Variants in TSHZ2 observed in about 807,000 individuals in gnomAD.
TSHZ2 encodes teashirt zinc finger homeobox 2.
A neutral mutation model predicts 74.4 loss-of-function variants in TSHZ2; 21 were observed. That is an observed-to-expected ratio of 0.28 (90% CI 0.20 to 0.41). TSHZ2 has a LOEUF of 0.41. Among genes scored for constraint, TSHZ2 ranks in the 10% least tolerant of loss-of-function variants. The pLI, the probability that TSHZ2 is intolerant of heterozygous loss-of-function variation, is 1.00. For missense variants in TSHZ2, 1,244 were observed against 1,293.5 expected (o/e 0.96, Z 0.59); for synonymous variants, 540 against 515.3 (o/e 1.05, Z -0.65).
chr20:53,054,044 T>G (rs1196548473), intron 1 of TSHZ2, among the ~76,000 whole-genome samples: 1 of 152,198 alleles, frequency 6.6e-6, no homozygotes, highest in Admixed American at 6.5e-5. Flanking sequence ...ACAACATATT[T>G]CCTTGCTCTG....
chr20:53,296,005 A>T (rs540109088), intron 2 of TSHZ2, among the ~76,000 whole-genome samples: 1 of 148,728 alleles, frequency 6.7e-6, no homozygotes, highest in African/African-American at 2.5e-5. Flanking sequence ...AAGTTGAAGG[A>T]TTCATTACTA....
intron 2 of TSHZ2, among the ~76,000 whole-genome samples, chr20:53,361,543 AATGGCATATTGTGTCTG>A (rs1180647202): frequency 6.6e-6 from 1 of 152,206 alleles, no homozygotes; most frequent in Non-Finnish European, 1.5e-5. Context: ...GATCTCAATT[AATGGCATATTGTGTCTG>A]AGTCACTCTT....
At chr20:53,258,377 G>A (rs754556954) in intron 2 of TSHZ2, among the ~76,000 whole-genome samples, 3 of 151,838 alleles carry the variant, frequency 2.0e-5, no homozygotes, top group Non-Finnish European at 4.4e-5. Context: ...AAAGAGGGGG[G>A]GCATACAGAG....
At chr20:53,403,434 G>T (rs553185763) in intron 2 of TSHZ2, among the ~76,000 whole-genome samples, 1 of 152,234 alleles carries the variant, frequency 6.6e-6, no homozygotes, top group South Asian at 2.1e-4. Context: ...TTTCTTTTTA[G>T]ATTATTACCA....
intron 2 of TSHZ2, among the ~76,000 whole-genome samples, chr20:53,460,856 G>A (rs1264972070): frequency 6.6e-6 from 1 of 152,208 alleles, no homozygotes; most frequent in East Asian, 1.9e-4. Flanking sequence ...CAGTTAGGCT[G>A]CTCGGGGGTC....
intron 1 of TSHZ2, among the ~76,000 whole-genome samples, chr20:53,119,929 T>C (rs911699461): frequency 6.6e-5 from 10 of 152,072 alleles, no homozygotes; most frequent in African/African-American, 2.4e-4. Flanking sequence ...TAGCCAAGAG[T>C]CTCTAAATCT....
chr20:53,207,541 A>T (rs1989198668), intron 1 of TSHZ2, among the ~76,000 whole-genome samples: 1 of 152,208 alleles, frequency 6.6e-6, no homozygotes, highest in African/African-American at 2.4e-5. Context: ...ACATGGCTGC[A>T]GAGGCCTATC....
chr20:53,464,311 A>G (rs1226450405), intron 2 of TSHZ2, among the ~76,000 whole-genome samples: 1 of 152,220 alleles, frequency 6.6e-6, no homozygotes, highest in Non-Finnish European at 1.5e-5. Context: ...TGAGGACCTC[A>G]TCTGGATCCC....
At chr20:53,243,967 T>C (rs1157497725) in intron 1 of TSHZ2, among the ~76,000 whole-genome samples, 2 of 152,148 alleles carry the variant, frequency 1.3e-5, no homozygotes, top group African/African-American at 4.8e-5. Context: ...GTGGTCATTA[T>C]CCATTATCTG....
At chr20:53,391,698 T>C (rs1341200781) in intron 2 of TSHZ2, among the ~76,000 whole-genome samples, 1 of 152,086 alleles carries the variant, frequency 6.6e-6, no homozygotes. Context: ...ATCCCAACAC[T>C]TTGGGAGGCT....
At chr20:53,315,752 G>A (rs1055227438) in intron 2 of TSHZ2, among the ~76,000 whole-genome samples, 5 of 152,176 alleles carry the variant, frequency 3.3e-5, no homozygotes, top group Non-Finnish European at 7.3e-5. Context: ...TGATGTTCTA[G>A]CATGGAAAAC....
intron 2 of TSHZ2, among the ~76,000 whole-genome samples, chr20:53,263,147 TAAAC>T (rs1990635773): frequency 6.6e-6 from 1 of 152,048 alleles, no homozygotes; most frequent in Non-Finnish European, 1.5e-5. Flanking sequence ...TCTGTGAAAA[TAAAC>T]AAAAAATAGA....
chr20:53,442,551 T>G (rs1984377326), intron 2 of TSHZ2, among the ~76,000 whole-genome samples: 1 of 152,082 alleles, frequency 6.6e-6, no homozygotes, highest in South Asian at 2.1e-4. Context: ...ATCGGGAAGG[T>G]GTGAGTCCCC....
chr20:53,052,945 C>T (rs565913157), intron 1 of TSHZ2, among the ~76,000 whole-genome samples: 1 of 152,294 alleles, frequency 6.6e-6, no homozygotes, highest in Admixed American at 6.5e-5. Flanking sequence ...TTCGCATGTT[C>T]ACGTAGCTGT....
chr20:52,985,284 A>G (rs911148780), intron 1 of TSHZ2, among the ~76,000 whole-genome samples: 20 of 152,352 alleles, frequency 1.3e-4, no homozygotes, highest in Admixed American at 1.1e-3. Flanking sequence ...TTAGCAAAAC[A>G]GACCTAATAA....
chr20:53,348,649 A>G (rs777550893), intron 2 of TSHZ2, among the ~76,000 whole-genome samples: 17 of 152,182 alleles, frequency 1.1e-4, no homozygotes, highest in Non-Finnish European at 2.4e-4. Flanking sequence ...TAGTTGAATC[A>G]TGGAGGGGAG....
chr20:53,114,333 C>G (rs1986612737), intron 1 of TSHZ2, among the ~76,000 whole-genome samples: 1 of 152,104 alleles, frequency 6.6e-6, no homozygotes, highest in Non-Finnish European at 1.5e-5. Context: ...GTGTTTATAC[C>G]TAGTCTTGAG....
intron 2 of TSHZ2, among the ~76,000 whole-genome samples, chr20:53,338,570 G>A (rs919130387): frequency 1.3e-5 from 2 of 152,204 alleles, no homozygotes; most frequent in South Asian, 2.1e-4. Context: ...CTAGAGACAT[G>A]GTTGATCATG....
intron 1 of TSHZ2, among the ~76,000 whole-genome samples, chr20:53,161,129 G>GAAAAAAAA (rs1470010170): frequency 5.0e-5 from 1 of 20,024 alleles, no homozygotes; most frequent in African/African-American, 3.4e-4. Context: ...GTTATTTTCA[G>GAAAAAAAA]CAAAAAAAAA....
Sources: gnomAD v4.1 joint callset for allele counts (sites outside exome capture counted in the v4.1 genomes callset) on GRCh38, gnomAD v4.1.1 for gene constraint, MANE v1.5 for transcripts, NCBI Gene and HGNC (gene_info 2026-07-23, HGNC 2026-07-21) for gene names.